The following NTM variants were observed in gnomAD, a reference collection of about 807,000 sequenced individuals.
NTM encodes the protein IgLON family member 2.
In NTM, 13 loss-of-function variants were observed where a neutral mutation model predicts 42.1. The ratio of observed to expected loss-of-function variants is 0.31; its 90% confidence interval spans 0.20 to 0.49. The LOEUF is 0.49. Among genes scored for constraint, NTM ranks in the 20% least tolerant of loss-of-function variants. NTM has a pLI of 0.99. For synonymous variants in NTM, 187 were observed against 179.2 expected, an observed-to-expected ratio of 1.04 and a Z score of -0.35; for missense variants, 373 against 452.8, an observed-to-expected ratio of 0.82 and a Z score of 1.60.
At chr11:132,122,539 C>T (rs11222947) in intron 2 of NTM, among the ~76,000 whole-genome samples, 2,831 of 152,222 alleles carry the variant, frequency 0.019, 91 homozygotes, top group Admixed American at 0.084. Flanking sequence ...AACTACCTGG[C>T]GGGGAGGAAA....
intron 2 of NTM, among the ~76,000 whole-genome samples, chr11:131,987,450 C>G (rs990161075): frequency 6.7e-6 from 1 of 150,248 alleles, no homozygotes; most frequent in South Asian, 2.1e-4. Flanking sequence ...CCAGCCCATC[C>G]CATCACTTTT....
intron 1 of NTM, among the ~76,000 whole-genome samples, chr11:131,598,799 TTTTCTTTCTTTCTTC>T (rs1362322789): frequency 1.3e-5 from 1 of 77,392 alleles, no homozygotes; most frequent in Non-Finnish European, 2.9e-5. Flanking sequence ...CTTTCTTTCT[TTTTCTTTCTTTCTTC>T]TTTCTTTCTT....
intron 2 of NTM, among the ~76,000 whole-genome samples, chr11:132,001,305 A>G (rs1473806273): frequency 6.6e-6 from 1 of 152,230 alleles, no homozygotes; most frequent in Admixed American, 6.5e-5. Context: ...TAAGGATAAG[A>G]AATTTTCTTG....
At chr11:131,855,993 T>C (rs2046055302) in intron 1 of NTM, among the ~76,000 whole-genome samples, 2 of 152,174 alleles carry the variant, frequency 1.3e-5, no homozygotes, top group Non-Finnish European at 2.9e-5. Context: ...CTGAAGATGG[T>C]GAGTGTCCAA....
chr11:131,931,881 G>T (rs1040199998), intron 2 of NTM, among the ~76,000 whole-genome samples: 1 of 152,190 alleles, frequency 6.6e-6, no homozygotes, highest in African/African-American at 2.4e-5. Context: ...TAGGGAACTG[G>T]AGCAGCAAGA....
At chr11:131,916,679 AG>A (rs1224197471) in intron 2 of NTM, among the ~76,000 whole-genome samples, 4 of 152,306 alleles carry the variant, frequency 2.6e-5, no homozygotes, top group African/African-American at 9.6e-5. Context: ...ATTCTCTGGT[AG>A]TCCCTCCAGC....
At chr11:131,746,411 C>A (rs1280469743) in intron 1 of NTM, among the ~76,000 whole-genome samples, 1 of 151,972 alleles carries the variant, frequency 6.6e-6, no homozygotes, top group Admixed American at 6.6e-5. Context: ...AATGATGTAG[C>A]CAAATTGGTG....
intron 1 of NTM, among the ~76,000 whole-genome samples, chr11:131,789,402 G>C (rs2089822654): frequency 9.0e-6 from 1 of 111,486 alleles, no homozygotes; most frequent in Non-Finnish European, 1.9e-5. Context: ...CAGAAGTATT[G>C]CTGCAGTTAA....
intron 1 of NTM, among the ~76,000 whole-genome samples, chr11:131,603,251 A>G (rs970783819): frequency 4.0e-5 from 6 of 151,878 alleles, no homozygotes. Context: ...TCCCTCCAAC[A>G]TACCCACTTC....
intron 2 of NTM, among the ~76,000 whole-genome samples, chr11:132,008,721 A>G (rs1044715473): frequency 3.3e-5 from 5 of 151,950 alleles, no homozygotes; most frequent in Non-Finnish European, 5.9e-5. Flanking sequence ...AATCATTTTC[A>G]ATGACTCCAT....
At chr11:132,310,853 A>C (rs2095259275) in intron 6 of NTM, among the ~76,000 whole-genome samples, 1 of 152,224 alleles carries the variant, frequency 6.6e-6, no homozygotes, top group African/African-American at 2.4e-5. Flanking sequence ...AGGCTTTATC[A>C]AATGACATAT....
At chr11:131,789,955 CAA>C (rs36050979) in intron 1 of NTM, among the ~76,000 whole-genome samples, 23 of 20,296 alleles carry the variant, frequency 1.1e-3, no homozygotes, top group African/African-American at 2.6e-3. Context: ...GACTCCGTCT[CAA>C]AAAAAAAAAA....
chr11:132,268,828 G>T (rs74443328), intron 4 of NTM, among the ~76,000 whole-genome samples: 10 of 152,000 alleles, frequency 6.6e-5, no homozygotes, highest in Non-Finnish European at 1.5e-4. Context: ...CATTGTCTAC[G>T]CTCTCTCTAG....
At chr11:131,816,222 T>A (rs1244277971) in intron 1 of NTM, among the ~76,000 whole-genome samples, 2 of 152,160 alleles carry the variant, frequency 1.3e-5, no homozygotes, top group African/African-American at 4.8e-5. Context: ...CCTCTGAGGC[T>A]CAGTCACTCA....
chr11:131,530,912 G>A (rs1266175775), intron 1 of NTM, among the ~76,000 whole-genome samples: 2 of 152,230 alleles, frequency 1.3e-5, no homozygotes, highest in Non-Finnish European at 2.9e-5. Flanking sequence ...GCTAGAGGTG[G>A]GAGAGAAGGG....
chr11:131,611,866 AAGATGGTC>A (rs1158733772), intron 1 of NTM, among the ~76,000 whole-genome samples: 1 of 152,180 alleles, frequency 6.6e-6, no homozygotes, highest in East Asian at 1.9e-4. Context: ...CATGTTTCTG[AAGATGGTC>A]AGAAGTAGAT....
chr11:131,817,869 G>A (rs2093015831), intron 1 of NTM, among the ~76,000 whole-genome samples: 1 of 152,246 alleles, frequency 6.6e-6, no homozygotes, highest in African/African-American at 2.4e-5. Flanking sequence ...GACTTCTCAT[G>A]GGAGCTGAGA....
Position 131,711,939 on chromosome 11 carries a change from A to G in NTM, c.83-199625A>G, listed in dbSNP as rs2077185731. Reference sequence around the variant, plus strand: ...TAGGTGGGAATTGAACAATGAGAACACATGGACACAGGAAGGGGAACATCA... The same window carrying G: ...TAGGTGGGAATTGAACAATGAGAACGCATGGACACAGGAAGGGGAACATCA... On this transcript the variant is annotated intron_variant, in intron 1 of 8. Coordinates refer to ENST00000683400, the MANE Select transcript of NTM (RefSeq NM_001352005.2). Among the ~76,000 whole-genome samples, 5 of 135,210 alleles carry G rather than the reference A, an allele frequency of 3.7e-5. No homozygotes were observed. In the South Asian group the frequency reaches 9.7e-4, roughly 26 times the overall value. The allele number at this position is 135,210 out of a possible 152,430, so 88.7% of individuals were successfully genotyped here.
intron 1 of NTM, among the ~76,000 whole-genome samples, chr11:131,598,532 G>A (rs1277952212): frequency 6.6e-6 from 1 of 152,132 alleles, no homozygotes; most frequent in Non-Finnish European, 1.5e-5. Flanking sequence ...TGTGTCACAT[G>A]TGTGCACTCG....
Sources: gnomAD v4.1 joint callset for allele counts (sites outside exome capture counted in the v4.1 genomes callset) on GRCh38, gnomAD v4.1.1 for gene constraint, MANE v1.5 for transcripts, NCBI Gene and HGNC (gene_info 2026-07-23, HGNC 2026-07-21) for gene names.